The following SERGEF variants were observed in gnomAD, a reference collection of about 807,000 sequenced individuals.
The protein encoded by SERGEF is secretion-regulating guanine nucleotide exchange factor.
Under a neutral mutation model 50.0 loss-of-function variants are expected in SERGEF, and 51 were observed. That is an observed-to-expected ratio of 1.02 (90% CI 0.81 to 1.29). SERGEF has a LOEUF of 1.29. Ranked by LOEUF, SERGEF falls within the 50% of genes most tolerant of loss-of-function variation. The probability of loss-of-function intolerance (pLI) is 0.00; values close to 1 mark genes in which losing one functional copy is unlikely to be tolerated. For missense variants in SERGEF, 521 were observed against 557.0 expected (o/e 0.94, Z 0.65); for synonymous variants, 205 against 212.4 (o/e 0.97, Z 0.30).
chr11:18,002,933 T>C (rs759796156), intron 4 of SERGEF, among the ~76,000 whole-genome samples: 37 of 152,208 alleles, frequency 2.4e-4, no homozygotes, highest in Middle Eastern at 3.2e-3. Context: ...CAACATATTT[T>C]AACCATTGTT....
At chr11:17,988,297 C>T (rs1247246157) in intron 8 of SERGEF, among the ~76,000 whole-genome samples, 1 of 152,178 alleles carries the variant, frequency 6.6e-6, no homozygotes, top group East Asian at 1.9e-4. Flanking sequence ...AAGAACTTCC[C>T]AACAAGCTGG....
intron 10 of SERGEF, among the ~76,000 whole-genome samples, chr11:17,807,008 C>T (rs767029656): frequency 2.6e-5 from 4 of 152,162 alleles, no homozygotes; most frequent in Non-Finnish European, 5.9e-5. Flanking sequence ...TCTCCCCCAA[C>T]AGAAAAGCTT....
chr11:17,874,612 C>T (rs1042883756), intron 10 of SERGEF, among the ~76,000 whole-genome samples: 2 of 152,220 alleles, frequency 1.3e-5, no homozygotes, highest in African/African-American at 4.8e-5. Context: ...TCCATCTTCT[C>T]AAGAAACTGA....
At chr11:17,832,345 A>G (rs1019894492) in intron 10 of SERGEF, among the ~76,000 whole-genome samples, 3 of 152,190 alleles carry the variant, frequency 2.0e-5, no homozygotes, top group African/African-American at 7.2e-5. Flanking sequence ...TGCACATAAC[A>G]TGTGAGTTGC....
intron 9 of SERGEF, among the ~76,000 whole-genome samples, chr11:17,922,990 G>C (rs1444378272): frequency 2.0e-5 from 3 of 152,170 alleles, no homozygotes; most frequent in Non-Finnish European, 1.5e-5. Context: ...TACCCTAACA[G>C]AAAGAAATCT....
chr11:18,007,469 T>C (rs536399964), intron 2 of SERGEF, among the ~76,000 whole-genome samples: 81 of 152,332 alleles, frequency 5.3e-4, no homozygotes, highest in African/African-American at 1.8e-3. Context: ...CCAGAGCTCA[T>C]GTTCTCAACC....
chr11:17,993,623 C>T (rs1057264774), intron 6 of SERGEF, among the ~76,000 whole-genome samples: 3 of 152,194 alleles, frequency 2.0e-5, no homozygotes, highest in Non-Finnish European at 4.4e-5. Flanking sequence ...GTCTAGCATG[C>T]AGATAGACGC....
chr11:18,005,790 A>G (rs981079448), intron 3 of SERGEF, among the ~76,000 whole-genome samples: 1 of 152,178 alleles, frequency 6.6e-6, no homozygotes, highest in African/African-American at 2.4e-5. Flanking sequence ...GCCATATCCT[A>G]TCCTGCTACC....
chr11:17,960,064 T>A (rs1373809473), intron 8 of SERGEF, among the ~76,000 whole-genome samples: 1 of 152,084 alleles, frequency 6.6e-6, no homozygotes, highest in Non-Finnish European at 1.5e-5. Context: ...TTTAGCCACC[T>A]TGAAGTTCTC....
chr11:17,873,662 G>A (rs1851188693), intron 10 of SERGEF, among the ~76,000 whole-genome samples: 1 of 86,960 alleles, frequency 1.1e-5, no homozygotes, highest in East Asian at 2.5e-4. Flanking sequence ...GGCTCTGCTT[G>A]GAGGAGGAGG....
At chr11:17,906,650 T>C (rs1260345131) in intron 9 of SERGEF, among the ~76,000 whole-genome samples, 1 of 152,074 alleles carries the variant, frequency 6.6e-6, no homozygotes, top group African/African-American at 2.4e-5. Context: ...TTCTCCCCAA[T>C]CTCTATTTAG....
chr11:17,998,440 CATATATATATATATATATATATAT>C (rs60861006), intron 5 of SERGEF, among the ~76,000 whole-genome samples: 20 of 33,748 alleles, frequency 5.9e-4, no homozygotes, highest in East Asian at 2.5e-3. Flanking sequence ...TACATACATA[CATATATATATATATATATATATAT>C]ATATATATAT....
chr11:17,835,628 T>C (rs1045118942), intron 10 of SERGEF, among the ~76,000 whole-genome samples: 5 of 152,220 alleles, frequency 3.3e-5, no homozygotes, highest in African/African-American at 1.2e-4. Context: ...ACCTTGCTCA[T>C]AGCAGATGTC....
intron 9 of SERGEF, among the ~76,000 whole-genome samples, chr11:17,934,165 C>T (rs1168948870): frequency 6.6e-6 from 1 of 151,966 alleles, no homozygotes; most frequent in Non-Finnish European, 1.5e-5. Context: ...TGCCATTATC[C>T]AGGAAGGGAT....
At chr11:17,907,203 T>A in intron 9 of SERGEF, among the ~76,000 whole-genome samples, 1 of 147,512 alleles carries the variant, frequency 6.8e-6, no homozygotes. Flanking sequence ...ATCAGACTAG[T>A]GAAACAAGAA....
chr11:17,831,034 C>T (rs1463603746), intron 10 of SERGEF, among the ~76,000 whole-genome samples: 1 of 152,214 alleles, frequency 6.6e-6, no homozygotes, highest in East Asian at 1.9e-4. Flanking sequence ...TTTCTATTTT[C>T]ACGGTAAACT....
chr11:17,856,634 C>A (rs1214762874), intron 10 of SERGEF: 1 of 152,168 alleles, frequency 6.6e-6, no homozygotes, highest in Non-Finnish European at 1.5e-5. Context: ...GCAAGTTACC[C>A]TCTCTGCCAT....
chr11:17,824,294 C>G (rs1366813456), intron 10 of SERGEF, among the ~76,000 whole-genome samples: 2 of 70,644 alleles, frequency 2.8e-5, no homozygotes, highest in Non-Finnish European at 5.4e-5. Context: ...GAGCGAGACA[C>G]CGTCTCAAAA....
chr11:17,928,888 T>C (rs1289754202), intron 9 of SERGEF, among the ~76,000 whole-genome samples: 1 of 152,192 alleles, frequency 6.6e-6, no homozygotes, highest in African/African-American at 2.4e-5. Context: ...TATGCTACTC[T>C]TACCAGAATT....
Sources: allele counts gnomAD v4.1 joint callset (sites outside exome capture counted in the v4.1 genomes callset), GRCh38; gene constraint gnomAD v4.1.1; transcripts MANE v1.5; gene names NCBI Gene and HGNC (gene_info 2026-07-23, HGNC 2026-07-21).